GSE1: variants seen among roughly 807,000 people sequenced by gnomAD.
The protein encoded by GSE1 is Gse1 coiled-coil protein.
A neutral mutation model predicts 112.6 loss-of-function variants in GSE1; 32 were observed. That is an observed-to-expected ratio of 0.28 (90% CI 0.21 to 0.38). The LOEUF is 0.38. Among genes scored for constraint, GSE1 ranks in the 10% least tolerant of loss-of-function variants. The pLI is 1.00. For synonymous variants in GSE1, 1,115 were observed against 735.6 expected (o/e 1.52, Z -8.35); for missense variants, 2,348 against 1,699.2 (o/e 1.38, Z -6.71).
At chr16:85,669,476 C>T (rs576179145) in intron 14 of GSE1, among the ~76,000 whole-genome samples, 61 of 152,316 alleles carry the variant, frequency 4.0e-4, no homozygotes, top group African/African-American at 1.4e-3. Flanking sequence ...GTAGCCACAA[C>T]CAGGACATCA....
At chr16:85,243,571 C>T (rs1251305239) in intron 1 of GSE1, among the ~76,000 whole-genome samples, 1 of 152,214 alleles carries the variant, frequency 6.6e-6, no homozygotes, top group Non-Finnish European at 1.5e-5. Flanking sequence ...ACCACAGGAG[C>T]CAAGTGTTGG....
intron 1 of GSE1, among the ~76,000 whole-genome samples, chr16:85,206,757 C>A (rs1172449426): frequency 1.3e-5 from 2 of 152,000 alleles, no homozygotes. Flanking sequence ...AAGGGGGAAG[C>A]TTCTAGGCCG....
chr16:85,552,600 G>C (rs576889611), upstream of GSE1, among the ~76,000 whole-genome samples: 1 of 152,230 alleles, frequency 6.6e-6, no homozygotes, highest in African/African-American at 2.4e-5. Flanking sequence ...CCAAAGTGCT[G>C]GGATTACAGG....
chr16:85,231,575 AGAT>A (rs1904287405), intron 1 of GSE1, among the ~76,000 whole-genome samples: 1 of 152,078 alleles, frequency 6.6e-6, no homozygotes, highest in Admixed American at 6.5e-5. Context: ...ATGAATGAGT[AGAT>A]GATAGATGGA....
At chr16:85,586,084 GCCGTCCGTT>G (rs1023256338) in intron 1 of GSE1, among the ~76,000 whole-genome samples, 1 of 152,128 alleles carries the variant, frequency 6.6e-6, no homozygotes, top group African/African-American at 2.4e-5. Flanking sequence ...CCCCTACTTG[GCCGTCCGTT>G]CCCTGTGTCT....
intron 1 of GSE1, among the ~76,000 whole-genome samples, chr16:85,196,162 A>G (rs541780420): frequency 6.6e-6 from 1 of 152,156 alleles, no homozygotes; most frequent in Admixed American, 6.5e-5. Flanking sequence ...GGTTTCCAGA[A>G]CTTTTGGACT....
intron 2 of GSE1, among the ~76,000 whole-genome samples, chr16:85,466,283 C>T (rs1463067112): frequency 6.6e-6 from 1 of 152,230 alleles, no homozygotes; most frequent in African/African-American, 2.4e-5. Flanking sequence ...AAATTAAGGG[C>T]TATGGAGCAG....
At chr16:85,588,511 G>A (rs1598292722) in intron 1 of GSE1, among the ~76,000 whole-genome samples, 2 of 152,144 alleles carry the variant, frequency 1.3e-5, no homozygotes, top group South Asian at 2.1e-4. Flanking sequence ...ATACAACCCC[G>A]GCCAGTGCTC....
At chr16:85,242,771 A>G (rs190367971) in intron 1 of GSE1, among the ~76,000 whole-genome samples, 259 of 152,292 alleles carry the variant, frequency 1.7e-3, no homozygotes, top group African/African-American at 5.1e-3. Flanking sequence ...CATCTTTGCA[A>G]AGTTCTCTAG....
chr16:85,636,918 T>G (rs545663329), intron 2 of GSE1, among the ~76,000 whole-genome samples: 16 of 150,410 alleles, frequency 1.1e-4, no homozygotes, highest in Admixed American at 8.6e-4. Flanking sequence ...CCAGCTCCCC[T>G]GTGCTACCCC....
At chr16:85,216,668 C>A (rs967822300) in intron 1 of GSE1, among the ~76,000 whole-genome samples, 1 of 152,300 alleles carries the variant, frequency 6.6e-6, no homozygotes, top group South Asian at 2.1e-4. Flanking sequence ...TGTTTTCCCA[C>A]AGACACACAG....
intron 1 of GSE1, among the ~76,000 whole-genome samples, chr16:85,177,842 C>G (rs1312217937): frequency 6.6e-6 from 1 of 152,192 alleles, no homozygotes; most frequent in Non-Finnish European, 1.5e-5. Context: ...CCATCACTTT[C>G]AGACAACGCT....
chr16:85,638,245 G>C (rs1001627896), intron 2 of GSE1, among the ~76,000 whole-genome samples: 1 of 152,252 alleles, frequency 6.6e-6, no homozygotes, highest in Admixed American at 6.5e-5. Context: ...GCTGCCCTGG[G>C]AGAAAGGCTG....
At chr16:85,621,109 A>G (rs555695821) in intron 1 of GSE1, among the ~76,000 whole-genome samples, 3 of 149,528 alleles carry the variant, frequency 2.0e-5, no homozygotes, top group African/African-American at 7.5e-5. Flanking sequence ...ACCCGTGTAG[A>G]TGGTCTTGGC....
intron 1 of GSE1, among the ~76,000 whole-genome samples, chr16:85,338,528 C>G (rs961059347): frequency 6.6e-6 from 1 of 152,170 alleles, no homozygotes; most frequent in African/African-American, 2.4e-5. Context: ...GAGGATCAGG[C>G]AAGTAAGATT....
intron 1 of GSE1, among the ~76,000 whole-genome samples, chr16:85,205,246 C>G (rs529299931): frequency 6.6e-6 from 1 of 152,268 alleles, no homozygotes; most frequent in Non-Finnish European, 1.5e-5. Context: ...GTTCTCCTGC[C>G]TCAACCTCCC....
At chr16:85,377,602 C>G (rs1191568008) in intron 2 of GSE1, among the ~76,000 whole-genome samples, 1 of 152,214 alleles carries the variant, frequency 6.6e-6, no homozygotes, top group Non-Finnish European at 1.5e-5. Context: ...AGTAAGCAAG[C>G]GTAAGCAGCA....
Position 85,233,042 on chromosome 16 carries a change from G to T in GSE1, c.2283+61235G>T, listed in dbSNP as rs192517756. 5.8e-3 allele frequency among the ~76,000 whole-genome samples: 888 copies of T among 152,374 alleles called. 6 individuals carry two copies. The highest frequency in any genetic ancestry group is 0.02 in the African/African-American group (851 of 41,596). ...CGAGGGCAGGGAGACCTTTGCTTTG[G>T]TCCCAGTGGCCTTGCTGGGGCTGCT... On this transcript the variant is annotated intron_variant, in intron 1 of 2. Coordinates refer to the GSE1 transcript ENST00000637419.
intron 1 of GSE1, among the ~76,000 whole-genome samples, chr16:85,573,697 A>G (rs1447911878): frequency 6.6e-6 from 1 of 152,188 alleles, no homozygotes; most frequent in Non-Finnish European, 1.5e-5. Flanking sequence ...CAGCCATCAC[A>G]GTGGGCGCGT....
Sources: gnomAD v4.1 joint callset for allele counts (sites outside exome capture counted in the v4.1 genomes callset) on GRCh38, gnomAD v4.1.1 for gene constraint, MANE v1.5 for transcripts, NCBI Gene and HGNC (gene_info 2026-07-23, HGNC 2026-07-21) for gene names.